The following TENM3 variants were observed in gnomAD, a reference collection of about 807,000 sequenced individuals.
The protein encoded by TENM3 is teneurin transmembrane protein 3.
In TENM3, 63 loss-of-function variants were observed where a neutral mutation model predicts 255.1. The ratio of observed to expected loss-of-function variants is 0.25; its 90% CI spans 0.20 to 0.30. TENM3 has a LOEUF of 0.30. Among genes scored for constraint, TENM3 ranks in the 10% least tolerant of loss-of-function variants. The pLI is 1.00. For missense variants in TENM3, 2,929 were observed against 3,461.1 expected (o/e 0.85, Z 3.86); for synonymous variants, 1,306 against 1,322.3 (o/e 0.99, Z 0.27).
At chr4:181,801,886 C>T in the TENM3 span, among the ~76,000 whole-genome samples, 3 of 151,802 alleles carry the variant, frequency 2.0e-5, no homozygotes, top group African/African-American at 4.8e-5. Flanking sequence ...GGCAAGTCAC[C>T]ATTCTTTTTT....
At chr4:182,489,005 A>G (rs1006651718) in intron 3 of TENM3, among the ~76,000 whole-genome samples, 4 of 152,196 alleles carry the variant, frequency 2.6e-5, no homozygotes, top group Non-Finnish European at 5.9e-5. Context: ...AAGAGTTAAA[A>G]GATGACTTTC....
chr4:181,839,211 T>G, the TENM3 span, among the ~76,000 whole-genome samples: 2 of 149,604 alleles, frequency 1.3e-5, no homozygotes, highest in African/African-American at 4.9e-5. Context: ...TTTAATATTT[T>G]AAGATAATTT....
At chr4:181,909,748 G>C in the TENM3 span, among the ~76,000 whole-genome samples, 1 of 152,162 alleles carries the variant, frequency 6.6e-6, no homozygotes, top group African/African-American at 2.4e-5. Context: ...GCAGGTACTT[G>C]ATAAAAGCTG....
the TENM3 span, among the ~76,000 whole-genome samples, chr4:181,641,321 C>T: frequency 2.4e-4 from 36 of 151,584 alleles, no homozygotes; most frequent in Middle Eastern, 6.8e-3. Context: ...TCTCCTAATG[C>T]TGTCCCTGCC....
At position 182,736,842 on chromosome 4, in the gene TENM3, A is replaced by G. The variant is rs1297558869; in HGVS notation, c.3002A>G (p.Asp1001Gly). The change falls in exon 17 of 28, where the codon GAT becomes GGT. Residue 1001 changes from aspartate to glycine, a missense_variant. Coordinates refer to ENST00000511685, the MANE Select transcript of TENM3 (RefSeq NM_001080477.4). ...GAGGAAACTACAATTCCAGGAACAG[A>G]TTTGAAACTCTCCTACTTGAGTTCC... The part of the protein sequence containing the change: ...LHEETTIPGT[D>G]LKLSYLSSRA... The G allele has an allele frequency of 1.2e-6, 2 of 1,613,618 alleles. No homozygotes were observed.
intron 1 of TENM3, among the ~76,000 whole-genome samples, chr4:182,300,103 A>G (rs1375631534): frequency 1.3e-5 from 2 of 152,016 alleles, no homozygotes; most frequent in Non-Finnish European, 2.9e-5. Flanking sequence ...TTTAGTAGAG[A>G]CGAGGTTTCA....
the TENM3 span, among the ~76,000 whole-genome samples, chr4:181,633,716 C>T: frequency 6.6e-6 from 1 of 152,100 alleles, no homozygotes; most frequent in Admixed American, 6.5e-5. Flanking sequence ...CTAATATGTC[C>T]TTTTTCTCAA....
At chr4:182,140,462 A>G (rs1413651950), upstream of TENM3, among the ~76,000 whole-genome samples, 1 of 151,958 alleles carries the variant, frequency 6.6e-6, no homozygotes, top group Non-Finnish European at 1.5e-5. Context: ...GGGTCTCTTG[A>G]GTGGGAGAGG....
At chr4:182,445,685 C>A (rs1446344977) in intron 3 of TENM3, among the ~76,000 whole-genome samples, 2 of 151,436 alleles carry the variant, frequency 1.3e-5, no homozygotes, top group African/African-American at 4.9e-5. Context: ...TCGTGGTGTT[C>A]GGTCATTAGA....
intron 18 of TENM3, among the ~76,000 whole-genome samples, chr4:182,742,384 C>G (rs1314261372): frequency 6.6e-6 from 1 of 152,198 alleles, no homozygotes; most frequent in East Asian, 1.9e-4. Context: ...GTAAATAATA[C>G]ATTGGCCTTC....
chr4:182,204,488 T>C (rs1410319731), intron 1 of TENM3, among the ~76,000 whole-genome samples: 1 of 152,226 alleles, frequency 6.6e-6, no homozygotes, highest in African/African-American at 2.4e-5. Flanking sequence ...GTGATCACTT[T>C]TGAGCTTCTT....
chr4:182,023,131 G>T, the TENM3 span, among the ~76,000 whole-genome samples: 5 of 152,174 alleles, frequency 3.3e-5, no homozygotes, highest in African/African-American at 1.2e-4. Flanking sequence ...CTTTGAAATG[G>T]CAGTTAGAGC....
the TENM3 span, chr4:181,522,897 G>T: frequency 1.1e-5 from 11 of 960,416 alleles, no homozygotes; most frequent in East Asian, 2.9e-4. Context: ...GATAGCAGTT[G>T]TTGCTGGAAT....
At chr4:182,774,258 T>C (rs903686924) in intron 23 of TENM3, among the ~76,000 whole-genome samples, 4 of 152,116 alleles carry the variant, frequency 2.6e-5, no homozygotes, top group Non-Finnish European at 5.9e-5. Flanking sequence ...TATTCAACTT[T>C]TTGACTCATT....
At chr4:181,862,234 C>T in the TENM3 span, among the ~76,000 whole-genome samples, 1 of 151,996 alleles carries the variant, frequency 6.6e-6, no homozygotes, top group Non-Finnish European at 1.5e-5. Context: ...CACAAGCGCA[C>T]ACACACACAC....
chr4:182,111,418 C>T, the TENM3 span, among the ~76,000 whole-genome samples: 1 of 152,060 alleles, frequency 6.6e-6, no homozygotes, highest in Non-Finnish European at 1.5e-5. Context: ...TCCTCTGGTG[C>T]CTTTTTGTCT....
chr4:181,749,209 G>A, the TENM3 span, among the ~76,000 whole-genome samples: 1 of 152,014 alleles, frequency 6.6e-6, no homozygotes, highest in Non-Finnish European at 1.5e-5. Flanking sequence ...TTTTAAAAGA[G>A]GTCCTTTTTG....
At chr4:181,630,081 G>C in the TENM3 span, among the ~76,000 whole-genome samples, 2 of 152,158 alleles carry the variant, frequency 1.3e-5, no homozygotes, top group African/African-American at 2.4e-5. Flanking sequence ...TGTATGTGTC[G>C]AGGAATTTAT....
At chr4:182,698,554 C>T (rs1757605457) in intron 12 of TENM3, among the ~76,000 whole-genome samples, 1 of 152,182 alleles carries the variant, frequency 6.6e-6, no homozygotes, top group Non-Finnish European at 1.5e-5. Context: ...AGTCACAGTC[C>T]CGAGGGCCAT....
Sources: gnomAD v4.1 joint callset for allele counts (sites outside exome capture counted in the v4.1 genomes callset) on GRCh38, gnomAD v4.1.1 for gene constraint, MANE v1.5 for transcripts, NCBI Gene and HGNC (gene_info 2026-07-23, HGNC 2026-07-21) for gene names.